WWOX: variants seen among roughly 807,000 people sequenced by gnomAD.
WWOX encodes WW domain-containing oxidoreductase.
Under a neutral mutation model 46.2 loss-of-function variants are expected in WWOX, and 69 were observed. That is an observed-to-expected ratio of 1.49 (90% CI 1.23 to 1.82). WWOX has a LOEUF of 1.82. Ranked by LOEUF, WWOX falls within the 40% of genes most tolerant of loss-of-function variation. WWOX has a pLI of 0.00. For synonymous variants in WWOX, 359 were observed against 202.6 expected (o/e 1.77, Z -6.56); for missense variants, 919 against 542.6 (o/e 1.69, Z -6.89).
chr16:78,506,172 C>G (rs979384862), intron 8 of WWOX, among the ~76,000 whole-genome samples: 1 of 152,180 alleles, frequency 6.6e-6, no homozygotes, highest in African/African-American at 2.4e-5. Flanking sequence ...AAAGACTGCA[C>G]CAGAAATCGG....
At chr16:78,931,318 A>C (rs2045619976) in intron 8 of WWOX, among the ~76,000 whole-genome samples, 2 of 152,172 alleles carry the variant, frequency 1.3e-5, no homozygotes, top group Non-Finnish European at 2.9e-5. Context: ...GTAGTCAAAG[A>C]AGGTCTTCTT....
At chr16:79,117,856 G>T (rs1173410124) in intron 8 of WWOX, among the ~76,000 whole-genome samples, 1 of 152,188 alleles carries the variant, frequency 6.6e-6, no homozygotes, top group Non-Finnish European at 1.5e-5. Flanking sequence ...CAATTATAGA[G>T]AGTGAGGGCC....
At chr16:78,371,073 G>A (rs1172510029) in intron 5 of WWOX, among the ~76,000 whole-genome samples, 2 of 146,496 alleles carry the variant, frequency 1.4e-5, no homozygotes, top group Non-Finnish European at 3.0e-5. Flanking sequence ...CCTTTAATTA[G>A]CATTCAAACT....
chr16:78,818,179 G>T (rs1157477321), intron 8 of WWOX, among the ~76,000 whole-genome samples: 1 of 152,236 alleles, frequency 6.6e-6, no homozygotes, highest in Non-Finnish European at 1.5e-5. Flanking sequence ...GCAGAAGGTA[G>T]TCTCTGTGTT....
intron 5 of WWOX, among the ~76,000 whole-genome samples, chr16:78,234,251 C>A (rs761952608): frequency 1.3e-5 from 2 of 152,062 alleles, no homozygotes; most frequent in Non-Finnish European, 1.5e-5. Context: ...ATGCTCTAAT[C>A]CCTAAATTTT....
chr16:79,136,420 G>A lies in WWOX; in HGVS notation c.1057-75188G>A, dbSNP rs554742813. Among the ~76,000 whole-genome samples, 42 of 152,104 alleles carry A rather than the reference G, an allele frequency of 2.8e-4. 1 individual carries two copies. Among genetic ancestry groups the A allele is most frequent in the African/African-American group, 9.9e-4 (41 of 41,496 alleles). The stretch of plus-strand genomic sequence containing the variant: ...TAATTTTTGTATTTTTAGTAGAGAC[G>A]GGATTTTACCATGTTGGCCAGGATG... On this transcript the variant is annotated intron_variant, in intron 8 of 8. Coordinates refer to ENST00000566780, the MANE Select transcript of WWOX (RefSeq NM_016373.4).
chr16:78,967,908 G>C (rs2046392702), intron 8 of WWOX, among the ~76,000 whole-genome samples: 1 of 152,190 alleles, frequency 6.6e-6, no homozygotes, highest in Admixed American at 6.5e-5. Context: ...GGAGGGAACA[G>C]GGAGACAGGG....
intron 8 of WWOX, among the ~76,000 whole-genome samples, chr16:79,075,349 C>G (rs1209277553): frequency 6.6e-6 from 1 of 152,146 alleles, no homozygotes; most frequent in Non-Finnish European, 1.5e-5. Context: ...GAAAAAAAAT[C>G]ACTTATGCTT....
intron 8 of WWOX, among the ~76,000 whole-genome samples, chr16:79,200,976 T>C (rs2051337534): frequency 1.3e-5 from 2 of 152,202 alleles, no homozygotes; most frequent in African/African-American, 2.4e-5. Flanking sequence ...ATCAGAGTTA[T>C]AGCTGCTTTT....
chr16:78,646,108 C>T (rs1047487244), intron 8 of WWOX, among the ~76,000 whole-genome samples: 9 of 152,122 alleles, frequency 5.9e-5, no homozygotes, highest in Non-Finnish European at 1.2e-4. Context: ...AACTTACATC[C>T]CTCTACAAAG....
At chr16:78,197,524 G>C (rs2036091987) in intron 5 of WWOX, among the ~76,000 whole-genome samples, 1 of 152,138 alleles carries the variant, frequency 6.6e-6, no homozygotes, top group Admixed American at 6.5e-5. Context: ...TTGAATCTGA[G>C]TTTAATAAAC....
intron 5 of WWOX, among the ~76,000 whole-genome samples, chr16:78,384,095 T>A (rs1400029705): frequency 6.6e-6 from 1 of 152,198 alleles, no homozygotes; most frequent in African/African-American, 2.4e-5. Context: ...GGAATGTTCT[T>A]CCTGTTTTAT....
chr16:78,405,191 G>A (rs1289854953), intron 6 of WWOX, among the ~76,000 whole-genome samples: 1 of 152,112 alleles, frequency 6.6e-6, no homozygotes, highest in African/African-American at 2.4e-5. Flanking sequence ...TGATGTTCTG[G>A]AATTCACTAT....
At chr16:78,626,960 A>T (rs569029622) in intron 8 of WWOX, among the ~76,000 whole-genome samples, 2 of 152,084 alleles carry the variant, frequency 1.3e-5, no homozygotes, top group Non-Finnish European at 2.9e-5. Context: ...TGTGATGTAC[A>T]CACATCATGG....
chr16:78,295,728 A>ACAAACAAACAAACAAT, intron 5 of WWOX, among the ~76,000 whole-genome samples: 2 of 143,424 alleles, frequency 1.4e-5, no homozygotes, highest in African/African-American at 4.9e-5. Flanking sequence ...AAACAAACAA[A>ACAAACAAACAAACAAT]CAAACAAACA....
chr16:78,101,473 A>C (rs1213977483), intron 1 of WWOX, among the ~76,000 whole-genome samples: 2 of 149,998 alleles, frequency 1.3e-5, no homozygotes, highest in Non-Finnish European at 3.0e-5. Context: ...CAGCCTCCCG[A>C]ATAGCTGGGA....
intron 8 of WWOX, among the ~76,000 whole-genome samples, chr16:78,742,317 T>C (rs941883969): frequency 1.3e-5 from 2 of 152,184 alleles, no homozygotes; most frequent in African/African-American, 4.8e-5. Flanking sequence ...CCATCAGGGC[T>C]TCAGGGTGTC....
At chr16:78,941,069 A>G (rs1359033656) in intron 8 of WWOX, among the ~76,000 whole-genome samples, 1 of 152,042 alleles carries the variant, frequency 6.6e-6, no homozygotes, top group Non-Finnish European at 1.5e-5. Flanking sequence ...ACTGAAGTTT[A>G]TGATTGGTCC....
chr16:78,922,846 T>C (rs2045410331), intron 8 of WWOX, among the ~76,000 whole-genome samples: 1 of 152,212 alleles, frequency 6.6e-6, no homozygotes, highest in South Asian at 2.1e-4. Flanking sequence ...CATTGCTAAG[T>C]AATGTGGCCT....
Sources: gnomAD v4.1 joint callset for allele counts (sites outside exome capture counted in the v4.1 genomes callset) on GRCh38, gnomAD v4.1.1 for gene constraint, MANE v1.5 for transcripts, NCBI Gene and HGNC (gene_info 2026-07-23, HGNC 2026-07-21) for gene names.